ADGRV1: variants seen among roughly 807,000 people sequenced by gnomAD.
ADGRV1 encodes G-protein coupled receptor 98.
In ADGRV1, 359 loss-of-function variants were observed where a neutral mutation model predicts 596.2. The observed-to-expected ratio is 0.60, with a 90% confidence interval of 0.55 to 0.66. The LOEUF is 0.66. Among genes scored for constraint, ADGRV1 ranks in the 30% least tolerant of loss-of-function variants. The pLI is 0.00. For missense variants in ADGRV1, 7,274 were observed against 7,575.6 expected, an observed-to-expected ratio of 0.96 and a Z score of 1.48; for synonymous variants, 2,681 against 2,679.2, an observed-to-expected ratio of 1.00 and a Z score of -0.02.
intron 87 of ADGRV1, among the ~76,000 whole-genome samples, chr5:91,139,870 G>T (rs1004274857): frequency 8.5e-5 from 13 of 152,112 alleles, no homozygotes; most frequent in African/African-American, 3.1e-4. Context: ...TTGACAATGT[G>T]GACCACCTCA....
intron 34 of ADGRV1, among the ~76,000 whole-genome samples, chr5:90,699,348 A>G (rs889735822): frequency 1.3e-5 from 2 of 152,184 alleles, no homozygotes; most frequent in African/African-American, 4.8e-5. Flanking sequence ...CTTATTGGCT[A>G]TAACAGCAAG....
At chr5:90,834,384 T>C (rs11958575) in intron 77 of ADGRV1, among the ~76,000 whole-genome samples, 27 of 152,150 alleles carry the variant, frequency 1.8e-4, no homozygotes, top group African/African-American at 6.5e-4. Context: ...TTCTCCTTCA[T>C]GTTTGAAGGA....
intron 21 of ADGRV1, among the ~76,000 whole-genome samples, chr5:90,669,644 C>G (rs1335522231): frequency 1.3e-5 from 2 of 152,106 alleles, no homozygotes; most frequent in East Asian, 3.8e-4. Flanking sequence ...TGAGCATTAT[C>G]TAAAATTGGA....
At chr5:90,594,149 A>T (rs1759910755) in intron 1 of ADGRV1, among the ~76,000 whole-genome samples, 1 of 152,182 alleles carries the variant, frequency 6.6e-6, no homozygotes, top group African/African-American at 2.4e-5. Flanking sequence ...ATAAAATATG[A>T]CACACTTTGT....
At chr5:90,871,704 A>C (rs1481262183) in intron 83 of ADGRV1, among the ~76,000 whole-genome samples, 4 of 152,228 alleles carry the variant, frequency 2.6e-5, no homozygotes, top group Non-Finnish European at 5.9e-5. Context: ...TCCTTCCTTG[A>C]TGTCCCTGAC....
intron 83 of ADGRV1, among the ~76,000 whole-genome samples, chr5:90,945,231 C>T (rs909909991): frequency 3.3e-5 from 5 of 151,502 alleles, no homozygotes; most frequent in African/African-American, 1.2e-4. Context: ...CTTCCTATTC[C>T]AAAAACAGAT....
chr5:91,064,720 G>A (rs189990984), intron 85 of ADGRV1, among the ~76,000 whole-genome samples: 1 of 152,250 alleles, frequency 6.6e-6, no homozygotes, highest in Non-Finnish European at 1.5e-5. Context: ...CAGAAAGACA[G>A]GAAGAGGAAT....
rs1762373628 is a variant in ADGRV1 at position 90,810,852 on chromosome 5, A to G, written c.15592A>G (p.Thr5198Ala). Reference sequence around the variant, plus strand: ...TGAGAAACTTGTCACCCTTCATGGCACACCTGCTGTGTCTGAAAAGCCTGA... The same window carrying G: ...TGAGAAACTTGTCACCCTTCATGGCGCACCTGCTGTGTCTGAAAAGCCTGA... ...IPEKLVTLHG[T>A]PAVSEKPDVA... is the part of the protein sequence containing the mutation. Residue 5198 changes from threonine to alanine, a missense_variant, in exon 74 of 90, where the codon ACA becomes GCA. Thr to Ala is a moderately conservative substitution (Grantham distance 58, BLOSUM62 0). Around this residue, in one of 5 missense-constraint regions of ADGRV1, gnomAD observed 1,874 missense variants for 1,970.2 expected, o/e 0.95. Transcript: ENST00000405460. 1 of 1,613,994 alleles carries G rather than the reference A, an allele frequency of 6.2e-7. No homozygotes were observed. The highest frequency in any genetic ancestry group is 8.5e-7 in the Non-Finnish European group (1 of 1,179,884).
chr5:90,773,925 G>A (rs1757948996), intron 59 of ADGRV1, among the ~76,000 whole-genome samples: 1 of 152,030 alleles, frequency 6.6e-6, no homozygotes, highest in South Asian at 2.1e-4. Flanking sequence ...TTTAAAGATT[G>A]GATTTTCAAC....
intron 83 of ADGRV1, among the ~76,000 whole-genome samples, chr5:90,918,507 A>G (rs544490315): frequency 3.9e-5 from 6 of 152,336 alleles, no homozygotes; most frequent in South Asian, 4.1e-4. Flanking sequence ...TAGTGGAACA[A>G]TTATAGAATT....
intron 50 of ADGRV1, among the ~76,000 whole-genome samples, chr5:90,743,235 A>C (rs1465314833): frequency 6.6e-6 from 1 of 152,138 alleles, no homozygotes; most frequent in African/African-American, 2.4e-5. Flanking sequence ...TGGCCATTTA[A>C]AATGCAAATT....
Position 90,596,158 on chromosome 5 carries a change from C to T in ADGRV1, c.23-18677C>T, listed in dbSNP as rs866773688. Among the ~76,000 whole-genome samples the T allele has an allele frequency of 4.0e-3, 581 of 146,326 alleles. 2 individuals carry two copies. The highest frequency in any genetic ancestry group is 9.2e-3 in the African/African-American group (359 of 38,832). On this transcript the variant is annotated intron_variant, in intron 1 of 89. Coordinates refer to ENST00000405460, the MANE Select transcript of ADGRV1 (RefSeq NM_032119.4). The stretch of plus-strand genomic sequence containing the variant: ...GCTCCTCACATCCCAGACAGGGCGG[C>T]GGGGCAGAGGCGCTCCCCACATCCC...
chr5:90,591,534 G>A (rs1759510055), intron 1 of ADGRV1, among the ~76,000 whole-genome samples: 2 of 152,078 alleles, frequency 1.3e-5, no homozygotes, highest in South Asian at 4.1e-4. Context: ...GGGGGGTTAA[G>A]CAAACCAGTA....
intron 59 of ADGRV1, among the ~76,000 whole-genome samples, chr5:90,773,275 AATATG>A (rs1442918248): frequency 1.3e-5 from 2 of 152,130 alleles, no homozygotes; most frequent in Non-Finnish European, 2.9e-5. Flanking sequence ...TAGAGTGAAT[AATATG>A]ATGGGAAGAG....
At position 90,969,911 on chromosome 5, in the gene ADGRV1, C is replaced by T. The variant is rs191465367; in HGVS notation, c.17973+4380C>T. 1.9e-4 allele frequency among the ~76,000 whole-genome samples: 29 copies of T among 152,286 alleles called. 1 individual carries two copies. In the East Asian group the frequency reaches 3.7e-3, roughly 19 times the overall value. ...TGGGTGCAACCCACCGAGCGTGAGC[C>T]GAAGCAGGGCGAGGCATCGCCTCAC... On this transcript the variant is annotated intron_variant, in intron 84 of 89. Coordinates refer to ENST00000405460, the MANE Select transcript of ADGRV1 (RefSeq NM_032119.4).
intron 29 of ADGRV1, among the ~76,000 whole-genome samples, chr5:90,688,201 T>C (rs1362180897): frequency 6.6e-6 from 1 of 152,002 alleles, no homozygotes; most frequent in Non-Finnish European, 1.5e-5. Context: ...AACAGAGATA[T>C]AGATCAATGG....
At chr5:90,879,710 G>T (rs916766670) in intron 83 of ADGRV1, among the ~76,000 whole-genome samples, 4 of 152,088 alleles carry the variant, frequency 2.6e-5, no homozygotes, top group Non-Finnish European at 4.4e-5. Context: ...ACTTTGGGAG[G>T]TCAAGGCAGG....
At chr5:90,692,845 A>C (rs1746663903) in intron 32 of ADGRV1, 59 bp downstream of exon 32, 3 of 1,319,484 alleles carry the variant, frequency 2.3e-6, no homozygotes. Flanking sequence ...GTGGTGGGGA[A>C]GGATCCCTTG....
Position 91,150,053 on chromosome 5 carries a change from T to C in ADGRV1, c.18456T>C (p.Tyr6152=), listed in dbSNP as rs1195528696. The part of the protein sequence containing the change: ...SLQGLYVFMV[Y]FILHNQMCCP... ...AGGGACTTTATGTTTTCATGGTTTA[T>C]TTCATTTTACACAACCAAATGTGTT... Residue 6152 remains tyrosine (Y), a synonymous_variant, in exon 88 of 90, where the codon TAT becomes TAC. Transcript: ENST00000405460. 1.3e-6 allele frequency: 2 copies of C among 1,547,736 alleles called. No homozygotes were observed. Among genetic ancestry groups the C allele is most frequent in the Non-Finnish European group, 1.7e-6 (2 of 1,145,754 alleles).
Sources: gnomAD v4.1 joint callset for allele counts (sites outside exome capture counted in the v4.1 genomes callset) on GRCh38, gnomAD v4.1.1 for gene constraint, gnomAD v4.1.1 regional missense constraint, MANE v1.5 for transcripts, NCBI Gene and HGNC (gene_info 2026-07-23, HGNC 2026-07-21) for gene names.